The following IL1RAPL2 variants were observed in gnomAD, a reference collection of about 807,000 sequenced individuals.
IL1RAPL2 encodes the protein interleukin 1 receptor accessory protein like 2.
A neutral mutation model predicts 44.1 loss-of-function variants in IL1RAPL2; 3 were observed. The observed-to-expected ratio is 0.07, with a 90% CI of 0.03 to 0.18. The LOEUF (loss-of-function observed/expected upper bound fraction) is 0.18, where lower values mean the gene tolerates loss of function less well. Ranked by LOEUF, IL1RAPL2 falls within the 10% of genes least tolerant of loss-of-function variation. IL1RAPL2 has a pLI of 1.00. For synonymous variants in IL1RAPL2, 181 were observed against 178.8 expected (o/e 1.01, Z -0.10); for missense variants, 391 against 496.4 (o/e 0.79, Z 2.02).
In IL1RAPL2 at chrX:105,611,066, T is replaced by C. The variant is rs909491524; in HGVS notation, c.773-106301T>C. On this transcript the variant is annotated intron_variant, in intron 6 of 10. Transcript: ENST00000372582. ...ACCATAATCCTGTGTAGACCTAGGC[T>C]AATATGTGTGTTTGTGTCTTCGTTT... is the stretch of plus-strand genomic sequence containing the variant. 5.4e-5 allele frequency among the ~76,000 whole-genome samples: 6 copies of C among 111,232 alleles called. No homozygotes were observed. The Admixed American group carries it at 5.7e-4, about 11-fold the overall frequency.
intron 2 of IL1RAPL2, among the ~76,000 whole-genome samples, chrX:105,093,162 C>T (rs1241036445): frequency 2.8e-5 from 3 of 108,853 alleles, no homozygotes; most frequent in Non-Finnish European, 3.8e-5. Flanking sequence ...TATAAATACC[C>T]TCATATGTGC....
intron 3 of IL1RAPL2, among the ~76,000 whole-genome samples, chrX:105,226,924 G>A (rs1266105096): frequency 9.1e-6 from 1 of 109,934 alleles, no homozygotes; most frequent in Non-Finnish European, 1.9e-5. Context: ...TTATCTGACT[G>A]CATCATGAAC....
At chrX:105,476,007 A>T (rs2036195643) in intron 5 of IL1RAPL2, among the ~76,000 whole-genome samples, 1 of 112,671 alleles carries the variant, frequency 8.9e-6, no homozygotes, top group Non-Finnish European at 1.9e-5. Context: ...GGGCACATCC[A>T]CTGAATTGCA....
intron 2 of IL1RAPL2, among the ~76,000 whole-genome samples, chrX:104,663,165 G>T (rs1210167654): frequency 9.0e-6 from 1 of 111,381 alleles, no homozygotes; most frequent in African/African-American, 3.3e-5. Context: ...TCTGATTGTT[G>T]ATGAGGAAAT....
chrX:105,077,409 G>A (rs1342947738), intron 2 of IL1RAPL2, among the ~76,000 whole-genome samples: 2 of 111,928 alleles, frequency 1.8e-5, no homozygotes, highest in East Asian at 2.8e-4. Context: ...CTGCAGAGAG[G>A]TCAGCTGTTA....
chrX:105,344,410 T>C (rs1011710123), intron 5 of IL1RAPL2, among the ~76,000 whole-genome samples: 4 of 111,581 alleles, frequency 3.6e-5, no homozygotes, highest in African/African-American at 6.5e-5. Flanking sequence ...AGGATAATGA[T>C]GGTACATAAG....
At chrX:105,739,915 A>C (rs1314952039) in intron 7 of IL1RAPL2, among the ~76,000 whole-genome samples, 1 of 102,361 alleles carries the variant, frequency 9.8e-6, no homozygotes, top group Non-Finnish European at 2.0e-5. Flanking sequence ...ATCCCTGAGG[A>C]ATCGCCACAC....
chrX:105,262,203 A>G (rs2034365209), intron 4 of IL1RAPL2, among the ~76,000 whole-genome samples: 1 of 111,340 alleles, frequency 9.0e-6, no homozygotes, highest in African/African-American at 3.3e-5. Flanking sequence ...ATGGTTATTG[A>G]TGTTCAGTTT....
chrX:105,741,492 T>C (rs1251050315), intron 8 of IL1RAPL2, among the ~76,000 whole-genome samples: 1 of 111,522 alleles, frequency 9.0e-6, no homozygotes, highest in Non-Finnish European at 1.9e-5. Context: ...GTTGCCCACG[T>C]TTTAGAGCAA....
chrX:104,888,268 CAG>C (rs1923312730), intron 2 of IL1RAPL2, among the ~76,000 whole-genome samples: 1 of 97,737 alleles, frequency 1.0e-5, no homozygotes, highest in Non-Finnish European at 2.1e-5. Context: ...GAGGAAGAGA[CAG>C]AGACAAGGAA....
chrX:105,121,153 T>C (rs2032921319), intron 2 of IL1RAPL2, among the ~76,000 whole-genome samples: 1 of 111,791 alleles, frequency 8.9e-6, no homozygotes, highest in South Asian at 3.7e-4. Flanking sequence ...TAATGTGGGC[T>C]TCAACAAGCG....
intron 6 of IL1RAPL2, among the ~76,000 whole-genome samples, chrX:105,694,110 A>G (rs964986467): frequency 1.8e-5 from 2 of 112,189 alleles, no homozygotes; most frequent in Non-Finnish European, 3.8e-5. Context: ...AGCAGAAGCT[A>G]CAAGCCTCCT....
chrX:104,682,241 G>T (rs1356364661), intron 2 of IL1RAPL2, among the ~76,000 whole-genome samples: 1 of 111,471 alleles, frequency 9.0e-6, no homozygotes, highest in African/African-American at 3.3e-5. Flanking sequence ...GGTAATAGAG[G>T]GTTTCTTTGG....
intron 2 of IL1RAPL2, among the ~76,000 whole-genome samples, chrX:104,806,066 T>C (rs1024866671): frequency 4.5e-5 from 5 of 112,073 alleles, no homozygotes. Flanking sequence ...GGACTAAACA[T>C]TGGCAGCTTT....
intron 6 of IL1RAPL2, among the ~76,000 whole-genome samples, chrX:105,532,398 A>T (rs1351290705): frequency 9.0e-6 from 1 of 111,579 alleles, no homozygotes; most frequent in Non-Finnish European, 1.9e-5. Context: ...CCATACCAAT[A>T]TCAACAACAA....
chrX:104,917,853 C>G lies in IL1RAPL2; in HGVS notation c.82+258858C>G, dbSNP rs180751579. On this transcript the variant is annotated intron_variant, in intron 2 of 10. Transcript: ENST00000372582. ...TAAGAGTTTCGGACTGAATTCTATACAAGATGAAGCTGCTTCTCATGCCAG... is the reference window on the plus strand; with the variant it reads ...TAAGAGTTTCGGACTGAATTCTATAGAAGATGAAGCTGCTTCTCATGCCAG... 2.7e-5 allele frequency among the ~76,000 whole-genome samples: 3 copies of G among 111,694 alleles called. No homozygotes were observed. In the East Asian group the frequency reaches 8.5e-4, roughly 32 times the overall value.
At chrX:104,601,815 T>C (rs950724902) in intron 1 of IL1RAPL2, among the ~76,000 whole-genome samples, 1 of 112,205 alleles carries the variant, frequency 8.9e-6, no homozygotes, top group Non-Finnish European at 1.9e-5. Flanking sequence ...TCAGCCATTG[T>C]GGAAAGCAGT....
rs934407087 is a variant in IL1RAPL2 at position 105,755,447 on chromosome X, T to C, written c.1363+100T>C. 3.0e-5 allele frequency: 18 copies of C among 603,491 alleles called. No individual in the cohort carries two copies. In the South Asian group the frequency reaches 8.3e-4, roughly 28 times the overall value. 49.7% of individuals were successfully genotyped at this position (603,491 alleles called of 1,213,427 possible). A position where few individuals can be genotyped will look rare whatever the true frequency, so the allele number is the denominator to read the frequency against. On this transcript the variant is annotated intron_variant, in intron 10 of 10. Transcript: ENST00000372582. Reference sequence around the variant, plus strand: ...AGCCAAGTATTTAGACAGTTGTTTCTCACAGTAGAGTTTCTTAAATCCAAA... The same window carrying C: ...AGCCAAGTATTTAGACAGTTGTTTCCCACAGTAGAGTTTCTTAAATCCAAA...
intron 5 of IL1RAPL2, among the ~76,000 whole-genome samples, chrX:105,372,158 A>G (rs1037710895): frequency 9.0e-6 from 1 of 111,411 alleles, no homozygotes; most frequent in Non-Finnish European, 1.9e-5. Flanking sequence ...CTTTTAGGTT[A>G]GGCACAGTGG....
Sources: gnomAD v4.1 joint callset for allele counts (sites outside exome capture counted in the v4.1 genomes callset) on GRCh38, gnomAD v4.1.1 for gene constraint, MANE v1.5 for transcripts, NCBI Gene and HGNC (gene_info 2026-07-23, HGNC 2026-07-21) for gene names.